The following PADI2 variants were observed in gnomAD, a reference collection of about 807,000 sequenced individuals.
PADI2 encodes protein-arginine deiminase type-2.
In PADI2, 70 loss-of-function variants were observed where a neutral mutation model predicts 81.1. The observed-to-expected ratio is 0.86, with a 90% CI of 0.71 to 1.05. The LOEUF is 1.05. Among genes scored for constraint, PADI2 ranks in the 50% least tolerant of loss-of-function variants. The pLI, the probability that PADI2 is intolerant of heterozygous loss-of-function variation, is 0.00. For synonymous variants in PADI2, 338 were observed against 358.0 expected (o/e 0.94, Z 0.63); for missense variants, 853 against 889.9 (o/e 0.96, Z 0.53).
chr1:17,116,225 T>G (rs943481717), intron 1 of PADI2, among the ~76,000 whole-genome samples: 2 of 152,174 alleles, frequency 1.3e-5, no homozygotes, highest in African/African-American at 4.8e-5. Flanking sequence ...CAAGGTCTAT[T>G]GAGGAATGAG....
intron 4 of PADI2, among the ~76,000 whole-genome samples, chr1:17,094,236 C>T (rs2101595235): frequency 6.6e-6 from 1 of 152,346 alleles, no homozygotes; most frequent in East Asian, 1.9e-4. Context: ...TGATTCCTTG[C>T]TGTGGCTTGG....
intron 3 of PADI2, among the ~76,000 whole-genome samples, chr1:17,099,085 T>C (rs1931048714): frequency 6.6e-6 from 1 of 152,118 alleles, no homozygotes; most frequent in Non-Finnish European, 1.5e-5. Flanking sequence ...TCCCTAGGAT[T>C]GGGTTCAAGG....
intron 6 of PADI2, among the ~76,000 whole-genome samples, chr1:17,088,918 A>ACAAAC (rs1553182364): frequency 1.0e-5 from 1 of 98,366 alleles, no homozygotes; most frequent in Non-Finnish European, 2.3e-5. Context: ...AAAAAAAAAA[A>ACAAAC]AAAAAAAAAA....
At chr1:17,076,910 G>T (rs11585299) in intron 11 of PADI2, among the ~76,000 whole-genome samples, 90,808 of 151,676 alleles carry the variant, frequency 0.6, 27,570 homozygotes, top group Middle Eastern at 0.7. Flanking sequence ...CCCAAGGTCT[G>T]CAATCTCTCC....
At chr1:17,069,718 CAT>C (rs375187106) in intron 15 of PADI2, among the ~76,000 whole-genome samples, 136 of 152,186 alleles carry the variant, frequency 8.9e-4, no homozygotes, top group African/African-American at 3.2e-3. Flanking sequence ...TATGTGTGCT[CAT>C]GTGTGTATAT....
intron 1 of PADI2, among the ~76,000 whole-genome samples, chr1:17,109,718 T>C (rs1931507606): frequency 6.6e-6 from 1 of 152,154 alleles, no homozygotes; most frequent in Admixed American, 6.5e-5. Context: ...CTTGAATTTC[T>C]GACCTCAAGT....
rs184874607 is a variant in PADI2 at position 17,080,421 on chromosome 1, G to T, written c.1159-1006C>A. On this transcript the variant is annotated intron_variant, in intron 10 of 15. Coordinates refer to ENST00000375486, the MANE Select transcript of PADI2 (RefSeq NM_007365.3). Reference sequence around the variant, plus strand: ...GGAGAATGGCATTTCCCAGACTGGGGCTGCTCTGGCACCTTGAGCGCTAGA... The same window carrying T: ...GGAGAATGGCATTTCCCAGACTGGGTCTGCTCTGGCACCTTGAGCGCTAGA... 5.3e-3 allele frequency among the ~76,000 whole-genome samples: 806 copies of T among 152,306 alleles called. 4 individuals carry two copies. The highest frequency in any genetic ancestry group is 8.0e-3 in the Non-Finnish European group (545 of 68,024).
intron 6 of PADI2, among the ~76,000 whole-genome samples, chr1:17,087,776 G>T (rs1417346913): frequency 6.6e-6 from 1 of 152,218 alleles, no homozygotes; most frequent in Non-Finnish European, 1.5e-5. Flanking sequence ...AAAGTGCTGG[G>T]ATTACAGGTG....
chr1:17,106,977 GA>G (rs747734615), intron 1 of PADI2, among the ~76,000 whole-genome samples: 3 of 150,888 alleles, frequency 2.0e-5, no homozygotes, highest in Non-Finnish European at 4.4e-5. Context: ...GTGAGAAGAT[GA>G]ATTTGTTTTT....
intron 1 of PADI2, among the ~76,000 whole-genome samples, chr1:17,108,304 C>A (rs1016304959): frequency 2.6e-5 from 4 of 152,050 alleles, no homozygotes; most frequent in African/African-American, 4.8e-5. Flanking sequence ...ACTAAGGGTG[C>A]ACGTGCAGAG....
intron 4 of PADI2, 72 bp downstream of exon 4, chr1:17,095,837 G>T: frequency 2.5e-6 from 3 of 1,197,660 alleles, no homozygotes; most frequent in Non-Finnish European, 3.7e-6. Flanking sequence ...AATGGGAATT[G>T]CCTGCGGGAT....
chr1:17,086,638 G>A lies in PADI2; in HGVS notation c.717C>T (p.Val239=). Reference sequence around the variant, plus strand: ...GCTCCGCGGAGCCACCCGTGTACTTGACCACATGGTAGAGCTTCCGCCGGC... The same window carrying A: ...GCTCCGCGGAGCCACCCGTGTACTTAACCACATGGTAGAGCTTCCGCCGGC... ...ILGRRKLYHV[V]KYTGGSAELL... Residue 239 remains valine (V), a synonymous_variant, in exon 7 of 16, where the codon GTC becomes GTT. Coordinates refer to ENST00000375486, the MANE Select transcript of PADI2 (RefSeq NM_007365.3). The A allele has an allele frequency of 6.2e-7, 1 of 1,614,118 alleles. No homozygotes were observed. The highest frequency in any genetic ancestry group is 1.1e-5 in the South Asian group (1 of 91,078).
At chr1:17,117,974 C>T (rs1931815437) in intron 1 of PADI2, among the ~76,000 whole-genome samples, 3 of 152,192 alleles carry the variant, frequency 2.0e-5, no homozygotes. Flanking sequence ...AACTGAAGCC[C>T]AGGCCCAGGG....
At position 17,100,660 on chromosome 1, in the gene PADI2, ATT is replaced by A. The variant is rs11380769; in HGVS notation, c.349+2325_349+2326del. ...AAATGATAGTGATAGTTGATAGCAA[ATT>A]TTTTTTTTTTTTTTTTTGAGACAAA... On this transcript the variant is annotated intron_variant, in intron 3 of 15. Coordinates refer to ENST00000375486, the MANE Select transcript of PADI2 (RefSeq NM_007365.3). Among the ~76,000 whole-genome samples, 455 of 130,986 alleles carry A rather than the reference ATT, an allele frequency of 3.5e-3. 2 individuals are homozygous for A. Among genetic ancestry groups the A allele is most frequent in the African/African-American group, 0.012 (416 of 34,888 alleles). 85.9% of individuals were successfully genotyped at this position (130,986 alleles called of 152,430 possible).
intron 9 of PADI2, 153 bp from the exon 10 acceptor site, chr1:17,082,805 T>C: frequency 3.4e-6 from 2 of 589,304 alleles, no homozygotes; most frequent in African/African-American, 3.8e-5. Flanking sequence ...CTCACACTGA[T>C]GATGGCAGCA....
intron 13 of PADI2, among the ~76,000 whole-genome samples, chr1:17,073,807 T>C (rs1213490442): frequency 6.6e-6 from 1 of 152,218 alleles, no homozygotes; most frequent in African/African-American, 2.4e-5. Context: ...ATGGTGTCTC[T>C]AACCTGGCTG....
intron 1 of PADI2, among the ~76,000 whole-genome samples, chr1:17,109,389 T>TAA (rs566123530): frequency 0.013 from 631 of 50,076 alleles, 9 homozygotes; most frequent in Non-Finnish European, 0.019. Context: ...CTCTGTCTAT[T>TAA]AAAAAAAAAA....
At chr1:17,112,085 T>G (rs1931597325) in intron 1 of PADI2, among the ~76,000 whole-genome samples, 2 of 152,098 alleles carry the variant, frequency 1.3e-5, no homozygotes, top group South Asian at 4.2e-4. Context: ...TTGCCCAGAA[T>G]GCAGGGTGGG....
At chr1:17,082,834 C>A in intron 9 of PADI2, 182 bp from the exon 10 acceptor site, 1 of 527,004 alleles carries the variant, frequency 1.9e-6, no homozygotes. Flanking sequence ...CATAGGCAGT[C>A]TCTGCACATC....
Sources: allele counts gnomAD v4.1 joint callset (sites outside exome capture counted in the v4.1 genomes callset), GRCh38; gene constraint gnomAD v4.1.1; transcripts MANE v1.5; gene names NCBI Gene and HGNC (gene_info 2026-07-23, HGNC 2026-07-21).